ATRNL1: variants seen among roughly 807,000 people sequenced by gnomAD.
The protein encoded by ATRNL1 is attractin like 1.
A neutral mutation model predicts 182.7 loss-of-function variants in ATRNL1; 95 were observed. The observed-to-expected ratio is 0.52, with a 90% confidence interval of 0.44 to 0.62. The LOEUF (loss-of-function observed/expected upper bound fraction) is 0.62. ATRNL1 is among the 20% of genes least tolerant of loss of function. ATRNL1 has a pLI of 0.00. For missense variants in ATRNL1, 1,471 were observed against 1,679.5 expected (o/e 0.88, Z 2.17); for synonymous variants, 576 against 568.3 (o/e 1.01, Z -0.19).
At chr10:115,713,207 C>T (rs561123802) in intron 26 of ATRNL1, among the ~76,000 whole-genome samples, 26 of 152,152 alleles carry the variant, frequency 1.7e-4, no homozygotes, top group African/African-American at 5.8e-4. Flanking sequence ...TCAAACTAAA[C>T]GATTGTAAGT....
chr10:115,215,936 A>G, intron 9 of ATRNL1, 56 bp downstream of exon 9: 2 of 1,315,802 alleles, frequency 1.5e-6, no homozygotes, highest in Non-Finnish European at 2.0e-6. Flanking sequence ...TAAATGATTG[A>G]CTTTAAAATG....
chr10:115,796,470 T>G (rs572619723), intron 27 of ATRNL1, among the ~76,000 whole-genome samples: 3 of 152,266 alleles, frequency 2.0e-5, no homozygotes, highest in African/African-American at 7.2e-5. Context: ...TATTTTAACT[T>G]AACACATCTT....
chr10:115,621,708 T>G (rs193136911), intron 26 of ATRNL1, among the ~76,000 whole-genome samples: 1 of 152,296 alleles, frequency 6.6e-6, no homozygotes, highest in East Asian at 1.9e-4. Flanking sequence ...TGTTCTGGAA[T>G]GCCATTAGAA....
intron 19 of ATRNL1, among the ~76,000 whole-genome samples, chr10:115,392,642 G>A (rs1184832369): frequency 2.0e-5 from 3 of 152,100 alleles, no homozygotes; most frequent in African/African-American, 7.2e-5. Context: ...GTCATATTTA[G>A]TTAAGGTCCT....
At chr10:115,881,123 C>A (rs1951817874) in intron 28 of ATRNL1, among the ~76,000 whole-genome samples, 1 of 152,208 alleles carries the variant, frequency 6.6e-6, no homozygotes, top group African/African-American at 2.4e-5. Flanking sequence ...AGGGCTTTCC[C>A]TGTTTTATGC....
At chr10:115,384,729 G>A (rs1333545016) in intron 19 of ATRNL1, among the ~76,000 whole-genome samples, 1 of 151,816 alleles carries the variant, frequency 6.6e-6, no homozygotes, top group Non-Finnish European at 1.5e-5. Context: ...GCTAGATTTG[G>A]CTCATGGGCT....
chr10:115,470,339 T>C (rs1226707372), intron 24 of ATRNL1, among the ~76,000 whole-genome samples: 1 of 150,510 alleles, frequency 6.6e-6, no homozygotes, highest in African/African-American at 2.4e-5. Context: ...GAGAATTAAT[T>C]TGAGAAATTT....
chr10:115,188,464 T>C (rs782536146), intron 8 of ATRNL1, among the ~76,000 whole-genome samples: 34 of 152,140 alleles, frequency 2.2e-4, no homozygotes, highest in South Asian at 8.3e-4. Flanking sequence ...GGGTTAGTCC[T>C]GTGGGAAATT....
At chr10:115,398,128 G>A (rs1554956074) in intron 20 of ATRNL1, among the ~76,000 whole-genome samples, 1 of 151,892 alleles carries the variant, frequency 6.6e-6, no homozygotes, top group Non-Finnish European at 1.5e-5. Context: ...TACTGTGGCT[G>A]CCATTCCCTT....
chr10:115,150,081 A>G (rs782503278), intron 5 of ATRNL1, among the ~76,000 whole-genome samples: 1 of 151,844 alleles, frequency 6.6e-6, no homozygotes, highest in African/African-American at 2.4e-5. Context: ...AGTAGGATGT[A>G]TGTGTCTAGG....
In ATRNL1 at chr10:115,379,119, G is replaced by C. The variant is rs536777583; in HGVS notation, c.3176-15540G>C. Among the ~76,000 whole-genome samples the C allele has an allele frequency of 7.9e-5, 12 of 151,790 alleles. No individual in the cohort carries two copies. The South Asian group carries it at 2.3e-3, about 29-fold the overall frequency. On this transcript the variant is annotated intron_variant, in intron 19 of 28. Transcript: ENST00000355044. ...TTGGTTTTGCTTATAAGTTGATACT[G>C]CAACTTTATATTCTAGGGGGCAGAA... is the stretch of plus-strand genomic sequence containing the variant.
intron 28 of ATRNL1, among the ~76,000 whole-genome samples, chr10:115,914,757 G>A (rs1952793432): frequency 6.6e-6 from 1 of 152,194 alleles, no homozygotes; most frequent in Non-Finnish European, 1.5e-5. Flanking sequence ...TAGGAAGTGA[G>A]ATAAGGGAAA....
At chr10:115,797,882 A>C (rs1475265127) in intron 27 of ATRNL1, among the ~76,000 whole-genome samples, 1 of 152,144 alleles carries the variant, frequency 6.6e-6, no homozygotes, top group East Asian at 1.9e-4. Flanking sequence ...CAATGTTGCA[A>C]ATACTTCAGT....
At chr10:115,244,683 T>C (rs976897161) in intron 10 of ATRNL1, among the ~76,000 whole-genome samples, 36 of 151,714 alleles carry the variant, frequency 2.4e-4, no homozygotes, top group African/African-American at 8.7e-4. Flanking sequence ...AAAAACTTAA[T>C]TTTTTTTTGT....
chr10:115,887,861 C>T (rs531398156), intron 28 of ATRNL1, among the ~76,000 whole-genome samples: 2 of 152,234 alleles, frequency 1.3e-5, no homozygotes, highest in East Asian at 3.9e-4. Context: ...CTTGTCTAAG[C>T]TACTCTTGTG....
Position 115,474,834 on chromosome 10 carries a change from A to G in ATRNL1, c.3654+5505A>G, listed in dbSNP as rs74972003. Among the ~76,000 whole-genome samples, 647 of 151,552 alleles carry G rather than the reference A, an allele frequency of 4.3e-3. 3 individuals are homozygous for G. Among genetic ancestry groups the G allele is most frequent in the African/African-American group, 0.015 (609 of 41,462 alleles). ...ATAATTACAAAGTAAACAGTTCTTC[A>G]ATACCCTGCTATCAAAGTATGGACT... On this transcript the variant is annotated intron_variant, in intron 24 of 28. Coordinates refer to ENST00000355044, the MANE Select transcript of ATRNL1 (RefSeq NM_207303.4).
In ATRNL1 at chr10:115,688,679, G is replaced by A. The variant is rs76838244; in HGVS notation, c.3796-38569G>A. 7.2e-5 allele frequency among the ~76,000 whole-genome samples: 11 copies of A among 152,064 alleles called. No individual in the cohort carries two copies. The East Asian group carries it at 2.1e-3, about 29-fold the overall frequency. On this transcript the variant is annotated intron_variant, in intron 26 of 28. Coordinates refer to ENST00000355044, the MANE Select transcript of ATRNL1 (RefSeq NM_207303.4). ...ATGAGGTTTTTTTTGAAACTGTTGAGTTGTTTGAGTTCCTTATATATTCTG... is the reference window on the plus strand; with the variant it reads ...ATGAGGTTTTTTTTGAAACTGTTGAATTGTTTGAGTTCCTTATATATTCTG...
chr10:115,184,590 G>A (rs531913290), intron 8 of ATRNL1, among the ~76,000 whole-genome samples: 16 of 151,786 alleles, frequency 1.1e-4, no homozygotes, highest in Non-Finnish European at 2.2e-4. Context: ...TTTACAAGGG[G>A]TGGTAGAGAA....
chr10:115,800,399 G>C (rs1404477841), intron 27 of ATRNL1, among the ~76,000 whole-genome samples: 3 of 152,000 alleles, frequency 2.0e-5, no homozygotes, highest in African/African-American at 7.3e-5. Flanking sequence ...ATCAAAGAAA[G>C]GAAGGAAAGA....
Sources: allele counts gnomAD v4.1 joint callset (sites outside exome capture counted in the v4.1 genomes callset), GRCh38; gene constraint gnomAD v4.1.1; transcripts MANE v1.5; gene names NCBI Gene and HGNC (gene_info 2026-07-23, HGNC 2026-07-21).